AGFG1: variants seen among roughly 807,000 people sequenced by gnomAD.
AGFG1 encodes the protein ArfGAP with FG repeats 1, also known as arf-GAP domain and FG repeat-containing protein 1.
In AGFG1, 10 loss-of-function variants were observed where a neutral mutation model predicts 60.6. The observed-to-expected ratio is 0.16, with a 90% CI of 0.10 to 0.28. The LOEUF is 0.28. Ranked by LOEUF, AGFG1 falls within the 10% of genes least tolerant of loss-of-function variation. The pLI is 1.00. For missense variants in AGFG1, 537 were observed against 676.5 expected (o/e 0.79, Z 2.29); for synonymous variants, 247 against 242.9 (o/e 1.02, Z -0.16).
chr2:227,507,148 C>A (rs544013466), intron 2 of AGFG1, among the ~76,000 whole-genome samples: 15 of 151,822 alleles, frequency 9.9e-5, no homozygotes, highest in African/African-American at 2.7e-4. Flanking sequence ...ATCCTTGAGA[C>A]CTTTTCAGAG....
chr2:227,540,197 G>GT (rs56275707), intron 10 of AGFG1, among the ~76,000 whole-genome samples: 81,598 of 145,362 alleles, frequency 0.56, 22,819 homozygotes, highest in South Asian at 0.74. Flanking sequence ...TGGGGCTTTA[G>GT]TTTTTTTTTT....
At chr2:227,553,848 A>G (rs1183608317) in intron 12 of AGFG1, 53 bp downstream of exon 12, 2 of 1,318,188 alleles carry the variant, frequency 1.5e-6, no homozygotes, top group Non-Finnish European at 2.2e-6. Flanking sequence ...CTTATTTTAA[A>G]ATTAGGAATA....
At chr2:227,529,067 T>C (rs1262247290) in intron 5 of AGFG1, among the ~76,000 whole-genome samples, 2 of 152,172 alleles carry the variant, frequency 1.3e-5, no homozygotes, top group African/African-American at 4.8e-5. Flanking sequence ...TTTACTTTAT[T>C]TGACTTTTGG....
chr2:227,516,678 C>T (rs947383746), intron 2 of AGFG1, among the ~76,000 whole-genome samples: 4 of 152,182 alleles, frequency 2.6e-5, no homozygotes, highest in African/African-American at 7.2e-5. Flanking sequence ...CTTTGCGTTA[C>T]GAGTGCCAAG....
At chr2:227,490,432 G>T (rs1690774839) in intron 1 of AGFG1, among the ~76,000 whole-genome samples, 1 of 152,052 alleles carries the variant, frequency 6.6e-6, no homozygotes, top group Admixed American at 6.6e-5. Context: ...CAAAAAATTA[G>T]CCGGACGTGG....
chr2:227,512,015 A>G (rs1278957810), intron 2 of AGFG1, among the ~76,000 whole-genome samples: 1 of 152,146 alleles, frequency 6.6e-6, no homozygotes, highest in Non-Finnish European at 1.5e-5. Context: ...TTTTTACGTT[A>G]AGGAAGCTGT....
intron 5 of AGFG1, among the ~76,000 whole-genome samples, chr2:227,527,650 AC>A (rs1475466721): frequency 6.6e-6 from 1 of 152,218 alleles, no homozygotes; most frequent in African/African-American, 2.4e-5. Context: ...TGGAAAGTTT[AC>A]CAGTCTGCAT....
chr2:227,489,223 G>GTTTTTTTTTTTT (rs55762248), intron 1 of AGFG1, among the ~76,000 whole-genome samples: 1 of 74,782 alleles, frequency 1.3e-5, no homozygotes, highest in Non-Finnish European at 2.3e-5. Flanking sequence ...AGTTTTGAGA[G>GTTTTTTTTTTTT]TTTTTTTTTT....
rs1693129097 is a variant in AGFG1 at position 227,561,202 on chromosome 2, C to G, written c.*6707C>G. The G allele has an allele frequency of 6.6e-6, 1 of 152,088 alleles. No homozygotes were observed. The highest frequency in any genetic ancestry group is 6.5e-5 in the Admixed American group (1 of 15,274). 9.4% of individuals were successfully genotyped at this position (152,088 alleles called of 1,614,324 possible). ...AGAATTTTTTTCAAAATAAAGACTT[C>G]TGAATTTGTGTACCATTTGGGAATA... On this transcript the variant is annotated 3_prime_UTR_variant, in exon 13 of 13. Coordinates refer to ENST00000310078, the MANE Select transcript of AGFG1 (RefSeq NM_004504.5).
chr2:227,485,484 C>T (rs1575064688), intron 1 of AGFG1, among the ~76,000 whole-genome samples: 1 of 151,810 alleles, frequency 6.6e-6, no homozygotes, highest in South Asian at 2.1e-4. Flanking sequence ...GATCCACCTG[C>T]CTCAGCCTCC....
chr2:227,491,212 T>C (rs1016601498), intron 1 of AGFG1, among the ~76,000 whole-genome samples: 3 of 152,200 alleles, frequency 2.0e-5, no homozygotes, highest in African/African-American at 7.2e-5. Flanking sequence ...AATAATTCTT[T>C]CATAGAGTTC....
intron 2 of AGFG1, among the ~76,000 whole-genome samples, chr2:227,501,581 C>T (rs919738188): frequency 2.0e-5 from 3 of 152,032 alleles, no homozygotes; most frequent in East Asian, 1.9e-4. Flanking sequence ...CCTATTCAGT[C>T]CTTCCCTGAA....
At chr2:227,474,491 A>T (rs1690223649) in intron 1 of AGFG1, among the ~76,000 whole-genome samples, 1 of 152,220 alleles carries the variant, frequency 6.6e-6, no homozygotes, top group East Asian at 1.9e-4. Flanking sequence ...GTATAATGAC[A>T]ATTATTTATC....
rs200300116 is a variant in AGFG1 at position 227,554,530 on chromosome 2, T to C, written c.*35T>C. The C allele has an allele frequency of 1.4e-4, 221 of 1,536,506 alleles. No individual in the cohort carries two copies. The African/African-American group carries it at 2.9e-3, about 20-fold the overall frequency. On this transcript the variant is annotated 3_prime_UTR_variant, in exon 13 of 13. Transcript: ENST00000310078. Reference sequence around the variant, plus strand: ...GACAATTTACTGGAACGAACTTTTATGTGGTCACATTACATCTCTCCACCT... The same window carrying C: ...GACAATTTACTGGAACGAACTTTTACGTGGTCACATTACATCTCTCCACCT...
At chr2:227,516,748 G>A (rs183913304) in intron 2 of AGFG1, among the ~76,000 whole-genome samples, 183 of 152,162 alleles carry the variant, frequency 1.2e-3, no homozygotes, top group African/African-American at 3.9e-3. Flanking sequence ...TTATTTATTT[G>A]TATGCTTATT....
chr2:227,487,411 A>T (rs1309038790), intron 1 of AGFG1, among the ~76,000 whole-genome samples: 1 of 152,076 alleles, frequency 6.6e-6, no homozygotes, highest in Non-Finnish European at 1.5e-5. Context: ...TGATTAAAAA[A>T]ATTAGCTCTG....
At chr2:227,541,844 C>A (rs1359551777) in intron 10 of AGFG1, among the ~76,000 whole-genome samples, 1 of 152,242 alleles carries the variant, frequency 6.6e-6, no homozygotes, top group East Asian at 1.9e-4. Context: ...AATGTTCTTC[C>A]ATTTGTTTGT....
intron 10 of AGFG1, among the ~76,000 whole-genome samples, chr2:227,544,063 G>A (rs1486674645): frequency 6.7e-6 from 1 of 150,112 alleles, no homozygotes; most frequent in Non-Finnish European, 1.5e-5. Flanking sequence ...TTGAGCCTAT[G>A]TATGTCTCTG....
chr2:227,501,095 A>G (rs1396238851), intron 2 of AGFG1, among the ~76,000 whole-genome samples: 2 of 151,172 alleles, frequency 1.3e-5, no homozygotes, highest in Non-Finnish European at 1.5e-5. Flanking sequence ...TGCCCAGCCT[A>G]ATTTTTTTTG....
Sources: allele counts gnomAD v4.1 joint callset (sites outside exome capture counted in the v4.1 genomes callset), GRCh38; gene constraint gnomAD v4.1.1; transcripts MANE v1.5; gene names NCBI Gene and HGNC (gene_info 2026-07-23, HGNC 2026-07-21).